Variants in AGBL4 observed in about 807,000 individuals in gnomAD.
AGBL4 encodes AGBL carboxypeptidase 4, also known as cytosolic carboxypeptidase 6.
In AGBL4, 58 loss-of-function variants were observed where a neutral mutation model predicts 66.4. That is an observed-to-expected ratio of 0.87 (90% CI 0.71 to 1.09). AGBL4 has a LOEUF of 1.09. Among genes scored for constraint, AGBL4 ranks in the 50% least tolerant of loss-of-function variants. The pLI is 0.00. For synonymous variants in AGBL4, 234 were observed against 222.9 expected, an observed-to-expected ratio of 1.05 and a Z score of -0.44; for missense variants, 579 against 631.0, an observed-to-expected ratio of 0.92 and a Z score of 0.88.
intron 1 of AGBL4, among the ~76,000 whole-genome samples, chr1:49,936,711 C>T (rs1557596856): frequency 1.3e-5 from 2 of 152,092 alleles, no homozygotes; most frequent in Non-Finnish European, 2.9e-5. Context: ...GAATTTTCAA[C>T]CCAGAATTTC....
chr1:49,920,372 A>T (rs1182111933), intron 1 of AGBL4, among the ~76,000 whole-genome samples: 20 of 152,288 alleles, frequency 1.3e-4, no homozygotes, highest in African/African-American at 4.6e-4. Flanking sequence ...GAATCTATAA[A>T]GAACTCGAAC....
intron 3 of AGBL4, among the ~76,000 whole-genome samples, chr1:49,391,558 T>TG (rs1337139018): frequency 1.2e-5 from 1 of 85,828 alleles, no homozygotes; most frequent in African/African-American, 5.2e-5. Flanking sequence ...GAGTTTTTTT[T>TG]TTTTGTTTTT....
chr1:49,539,600 A>T (rs1651853212), intron 3 of AGBL4, among the ~76,000 whole-genome samples: 1 of 152,222 alleles, frequency 6.6e-6, no homozygotes, highest in Admixed American at 6.5e-5. Flanking sequence ...TGGATTACTC[A>T]GGAAAGTATC....
intron 3 of AGBL4, among the ~76,000 whole-genome samples, chr1:49,515,830 T>C (rs550302443): frequency 1.5e-4 from 21 of 140,738 alleles, no homozygotes; most frequent in Middle Eastern, 4.0e-3. Context: ...TAGGTGGGAA[T>C]TGAACAATGA....
chr1:48,723,233 A>G (rs1647179559), intron 6 of AGBL4, among the ~76,000 whole-genome samples: 1 of 152,232 alleles, frequency 6.6e-6, no homozygotes, highest in African/African-American at 2.4e-5. Context: ...TTGAAAGGGA[A>G]GAATTTGAAT....
intron 1 of AGBL4, among the ~76,000 whole-genome samples, chr1:49,863,552 CAAG>C (rs913461442): frequency 1.4e-4 from 22 of 152,182 alleles, no homozygotes; most frequent in Admixed American, 1.4e-3. Flanking sequence ...TAATTAATAA[CAAG>C]AATATATAAG....
chr1:48,711,362 G>A (rs1157547793), intron 6 of AGBL4, among the ~76,000 whole-genome samples: 1 of 152,202 alleles, frequency 6.6e-6, no homozygotes, highest in East Asian at 1.9e-4. Context: ...TGCTTTTGGG[G>A]TGAGCCTGTC....
At chr1:49,361,195 A>G (rs1306075845) in intron 3 of AGBL4, among the ~76,000 whole-genome samples, 1 of 152,194 alleles carries the variant, frequency 6.6e-6, no homozygotes, top group African/African-American at 2.4e-5. Flanking sequence ...TAATATTCTA[A>G]AATAAACATT....
chr1:48,786,493 TC>T (rs1645410079), intron 6 of AGBL4, among the ~76,000 whole-genome samples: 1 of 152,198 alleles, frequency 6.6e-6, no homozygotes, highest in African/African-American at 2.4e-5. Context: ...TAATCCCTGT[TC>T]CCTTTTTCCT....
chr1:49,113,051 C>A (rs372651641), intron 4 of AGBL4, among the ~76,000 whole-genome samples: 3 of 151,250 alleles, frequency 2.0e-5, no homozygotes, highest in Admixed American at 6.6e-5. Flanking sequence ...TCCCAGGTTG[C>A]GCCATTCTCC....
At chr1:49,572,778 C>T (rs576880890) in intron 3 of AGBL4, among the ~76,000 whole-genome samples, 1 of 152,216 alleles carries the variant, frequency 6.6e-6, no homozygotes, top group South Asian at 2.1e-4. Flanking sequence ...TTGAAGGATA[C>T]AAAGTATTAA....
chr1:49,007,985 C>CGAGCAAACAT, intron 5 of AGBL4, among the ~76,000 whole-genome samples: 1 of 152,152 alleles, frequency 6.6e-6, no homozygotes, highest in South Asian at 2.1e-4. Context: ...AGCAAAATAA[C>CGAGCAAACAT]CAGCTAACAT....
rs532945516 is a variant in AGBL4 at position 48,914,010 on chromosome 1, G to A, written c.595-46780C>T. On this transcript the variant is annotated intron_variant, in intron 5 of 13. Transcript: ENST00000371839. ...TCACAGTGGAGATATCAAGTGGGAA[G>A]TTGGAGGAAAGATTGGGAGTTCAAG... Among the ~76,000 whole-genome samples the A allele has an allele frequency of 1.1e-4, 17 of 152,316 alleles. No individual in the cohort carries two copies. In the South Asian group the frequency reaches 3.3e-3, roughly 30 times the overall value.
At chr1:49,259,422 CAG>C (rs1652885860) in intron 3 of AGBL4, among the ~76,000 whole-genome samples, 1 of 152,082 alleles carries the variant, frequency 6.6e-6, no homozygotes, top group Non-Finnish European at 1.5e-5. Flanking sequence ...ATCTCATGTG[CAG>C]AGACACACAT....
chr1:48,838,057 G>T (rs1646723853), intron 6 of AGBL4, among the ~76,000 whole-genome samples: 1 of 151,656 alleles, frequency 6.6e-6, no homozygotes, highest in Admixed American at 6.6e-5. Flanking sequence ...GGCAAGAGGG[G>T]GATTGGTAGC....
Position 49,067,549 on chromosome 1 carries a change from A to G in AGBL4, c.378-21749T>C, listed in dbSNP as rs542777999. On this transcript the variant is annotated intron_variant, in intron 4 of 13. Transcript: ENST00000371839. ...TCTCTCTTTTGAACGTTCTTCCTCA[A>G]TGCCTTCTCTTCTTTCAGATCTCAT... 1.1e-4 allele frequency among the ~76,000 whole-genome samples: 16 copies of G among 152,104 alleles called. No individual in the cohort carries two copies. In the South Asian group the frequency reaches 1.9e-3, roughly 18 times the overall value.
At chr1:49,559,123 A>C (rs1643972683) in intron 3 of AGBL4, among the ~76,000 whole-genome samples, 1 of 152,158 alleles carries the variant, frequency 6.6e-6, no homozygotes, top group African/African-American at 2.4e-5. Context: ...GGTGAGATCC[A>C]GTGCTGTGAT....
chr1:48,898,383 A>G (rs914263009), intron 5 of AGBL4, among the ~76,000 whole-genome samples: 2 of 151,986 alleles, frequency 1.3e-5, no homozygotes, highest in Non-Finnish European at 2.9e-5. Context: ...TTTTGCCCAG[A>G]CCAAGGTCCT....
At chr1:49,232,523 C>T (rs1038805394) in intron 4 of AGBL4, among the ~76,000 whole-genome samples, 5 of 151,832 alleles carry the variant, frequency 3.3e-5, no homozygotes, top group Non-Finnish European at 7.4e-5. Flanking sequence ...ACGTTGAAAC[C>T]CTGTCTCTAC....
Sources: allele counts gnomAD v4.1 joint callset (sites outside exome capture counted in the v4.1 genomes callset), GRCh38; gene constraint gnomAD v4.1.1; transcripts MANE v1.5; gene names NCBI Gene and HGNC (gene_info 2026-07-23, HGNC 2026-07-21).